SLC26A4: variants seen among roughly 807,000 people sequenced by gnomAD.
SLC26A4 encodes the protein pendrin.
SLC26A4 carries 93 observed loss-of-function variants against 90.4 expected under a neutral mutation model. The observed-to-expected ratio is 1.03, with a 90% CI of 0.87 to 1.22. SLC26A4 has a LOEUF of 1.22. SLC26A4 is among the 50% of genes most tolerant of loss of function. The probability of loss-of-function intolerance (pLI) is 0.00; values close to 1 mark genes in which losing one functional copy is unlikely to be tolerated. For missense variants in SLC26A4, 1,127 were observed against 946.2 expected, an observed-to-expected ratio of 1.19 and a Z score of -2.51; for synonymous variants, 393 against 354.6, an observed-to-expected ratio of 1.11 and a Z score of -1.22.
At chr7:107,709,925 C>CTT in intron 18 of SLC26A4, 129 bp from the exon 19 acceptor site, 1 of 707,200 alleles carries the variant, frequency 1.4e-6, no homozygotes, top group Non-Finnish European at 2.5e-6. Flanking sequence ...GAACTTGGGA[C>CTT]GCGGAGGTTG....
At chr7:107,697,683 A>G (rs904145946) in intron 13 of SLC26A4, among the ~76,000 whole-genome samples, 1 of 152,204 alleles carries the variant, frequency 6.6e-6, no homozygotes, top group Non-Finnish European at 1.5e-5. Context: ...TAAGAAGTTT[A>G]GTTAACAATA....
chr7:107,688,188 A>G (rs757281577), intron 8 of SLC26A4, among the ~76,000 whole-genome samples: 1 of 152,188 alleles, frequency 6.6e-6, no homozygotes, highest in Non-Finnish European at 1.5e-5. Context: ...TGCTTTCTCT[A>G]TGGTTTTCTC....
rs755479003 is a variant in SLC26A4 at position 107,709,252 on chromosome 7, G to A, written c.2090-802G>A. ...TGGCTGCAGGCCAGCCATGTGTGGG[G>A]ATGAAACCTCCCAGTTCTCTTTATT... On this transcript the variant is annotated intron_variant, in intron 18 of 20. Transcript: ENST00000644269. 9.9e-5 allele frequency among the ~76,000 whole-genome samples: 15 copies of A among 152,250 alleles called. No individual in the cohort carries two copies. In the Middle Eastern group the frequency reaches 0.014, roughly 138 times the overall value.
chr7:107,712,683 C>A, intron 20 of SLC26A4, 61 bp downstream of exon 20: 6 of 891,448 alleles, frequency 6.7e-6, no homozygotes, highest in Non-Finnish European at 1.1e-5. Context: ...TAGAGTAATA[C>A]AAATAGTGAA....
At chr7:107,673,865 A>G (rs1355456908) in intron 4 of SLC26A4, among the ~76,000 whole-genome samples, 1 of 151,974 alleles carries the variant, frequency 6.6e-6, no homozygotes, top group Non-Finnish European at 1.5e-5. Flanking sequence ...AGTAGCTGGG[A>G]CCATAGGCAC....
chr7:107,674,668 C>T (rs181478403), intron 5 of SLC26A4, among the ~76,000 whole-genome samples: 10 of 152,214 alleles, frequency 6.6e-5, no homozygotes, highest in Admixed American at 5.2e-4. Context: ...GACACAGGAC[C>T]GAAAGCCACA....
intron 10 of SLC26A4, 51 bp from the exon 11 acceptor site, chr7:107,694,352 G>T: frequency 7.1e-7 from 1 of 1,415,874 alleles, no homozygotes; most frequent in Non-Finnish European, 1.0e-6. Flanking sequence ...TGAGCTGGAA[G>T]ACACAAGGGA....
At chr7:107,704,998 T>C (rs1345821066) in intron 18 of SLC26A4, among the ~76,000 whole-genome samples, 2 of 152,268 alleles carry the variant, frequency 1.3e-5, no homozygotes, top group East Asian at 3.8e-4. Flanking sequence ...TATTTTACTA[T>C]GTGCCTGTGC....
intron 8 of SLC26A4, among the ~76,000 whole-genome samples, chr7:107,684,191 T>G (rs1791332214): frequency 6.6e-6 from 1 of 152,178 alleles, no homozygotes; most frequent in Non-Finnish European, 1.5e-5. Flanking sequence ...TGAAGAGTAG[T>G]CAAGACACCC....
intron 6 of SLC26A4, among the ~76,000 whole-genome samples, chr7:107,680,090 TATATAATCTTATCTTATTATATA>T (rs1475659143): frequency 0.02 from 1,902 of 93,580 alleles, 438 homozygotes; most frequent in African/African-American, 0.031. Context: ...CTTATCTTAT[TATATAATCTTATCTTATTATATA>T]ATATAATCTT....
rs552616196 is a variant in SLC26A4, at chr7:107,683,399, C to G, written c.918+45C>G. 75 of 1,609,554 alleles carry G rather than the reference C, an allele frequency of 4.7e-5. 2 individuals are homozygous for G. In the South Asian group the frequency reaches 7.1e-4, roughly 15 times the overall value. ...AGAAAGTTCAGCATTATTTGGTTGA[C>G]AAACAAGGAATTATTAAAACCAATG... is the stretch of plus-strand genomic sequence containing the variant. On this transcript the variant is annotated intron_variant, in intron 7 of 20. Coordinates refer to ENST00000644269, the MANE Select transcript of SLC26A4 (RefSeq NM_000441.2).
intron 8 of SLC26A4, among the ~76,000 whole-genome samples, chr7:107,686,299 C>CCCTCCCTTCCCTCCCTTT (rs1791401716): frequency 2.6e-5 from 1 of 39,212 alleles, no homozygotes; most frequent in African/African-American, 9.2e-5. Context: ...TTCCTACCTT[C>CCCTCCCTTCCCTCCCTTT]CCTCCCTTCC....
At chr7:107,666,859 A>G (rs1312617457) in intron 3 of SLC26A4, among the ~76,000 whole-genome samples, 2 of 152,170 alleles carry the variant, frequency 1.3e-5, no homozygotes, top group Admixed American at 6.5e-5. Flanking sequence ...GCCTCACCCT[A>G]TTCCTGGCCC....
intron 18 of SLC26A4, among the ~76,000 whole-genome samples, chr7:107,709,836 ATTTCT>A (rs1053293530): frequency 6.6e-6 from 1 of 152,112 alleles, no homozygotes; most frequent in Non-Finnish European, 1.5e-5. Flanking sequence ...ATGCTTTAAA[ATTTCT>A]TTTCTTAGCT....
chr7:107,705,155 T>G (rs1792007587), intron 18 of SLC26A4, among the ~76,000 whole-genome samples: 1 of 152,144 alleles, frequency 6.6e-6, no homozygotes, highest in African/African-American at 2.4e-5. Flanking sequence ...CCATTTTTGT[T>G]TGATGATTTT....
intron 11 of SLC26A4, 57 bp downstream of exon 11, chr7:107,694,537 C>T (rs1222525930): frequency 6.6e-7 from 1 of 1,521,046 alleles, no homozygotes; most frequent in Admixed American, 1.7e-5. Flanking sequence ...TACTCTGCTA[C>T]CAGATAAATA....
chr7:107,690,272 G>A, intron 10 of SLC26A4, 35 bp downstream of exon 10: 1 of 1,254,540 alleles, frequency 8.0e-7, no homozygotes, highest in South Asian at 1.2e-5. Flanking sequence ...CCATCTCAGA[G>A]AACAAGTCGA....
intron 9 of SLC26A4, 133 bp downstream of exon 9, chr7:107,689,333 C>T (rs1231616547): frequency 2.3e-6 from 2 of 863,810 alleles, no homozygotes; most frequent in African/African-American, 3.3e-5. Flanking sequence ...TGGTTTTCCT[C>T]TTGTGTTTGC....
At chr7:107,692,183 G>A (rs536786258) in intron 10 of SLC26A4, 9 of 796,904 alleles carry the variant, frequency 1.1e-5, no homozygotes, top group African/African-American at 1.9e-5. Flanking sequence ...ATTATATTTA[G>A]GAATGAAGGA....
Sources: gnomAD v4.1 joint callset for allele counts (sites outside exome capture counted in the v4.1 genomes callset) on GRCh38, gnomAD v4.1.1 for gene constraint, MANE v1.5 for transcripts, NCBI Gene and HGNC (gene_info 2026-07-23, HGNC 2026-07-21) for gene names.